The following SNRPN variants were observed in gnomAD, a reference collection of about 807,000 sequenced individuals.
SNRPN encodes the protein small nuclear ribonucleoprotein polypeptide N.
In SNRPN, 7 loss-of-function variants were observed where a neutral mutation model predicts 25.2. The observed-to-expected ratio is 0.28, with a 90% confidence interval of 0.16 to 0.52. The LOEUF (loss-of-function observed/expected upper bound fraction) is 0.52. SNRPN is among the 20% of genes least tolerant of loss of function. The pLI is 0.96. For synonymous variants in SNRPN, 124 were observed against 110.6 expected (o/e 1.12, Z -0.76); for missense variants, 196 against 322.5 (o/e 0.61, Z 3.00).
Position 24,974,202 on chromosome 15 carries a change from G to C in SNRPN, c.-143-109G>C, listed in dbSNP as rs2076799707. Reference sequence around the variant, plus strand: ...CCTTGGTGAGGAAGCTAGTATGAGAGGAAGGATGTTTTTGAACGTGTCTGT... The same window carrying C: ...CCTTGGTGAGGAAGCTAGTATGAGACGAAGGATGTTTTTGAACGTGTCTGT... On this transcript the variant is annotated intron_variant, in intron 3 of 9. Coordinates refer to ENST00000390687, the MANE Select transcript of SNRPN (RefSeq NM_003097.6). 1.3e-5 allele frequency: 7 copies of C among 525,960 alleles called. No individual in the cohort carries two copies. The South Asian group carries it at 1.6e-4, about 12-fold the overall frequency. The allele number at this position is 525,960 out of a possible 1,614,324, so 32.6% of individuals were successfully genotyped here. A position where few individuals can be genotyped will look rare whatever the true frequency, so the allele number is the denominator to read the frequency against.
intron 1 of SNRPN, among the ~76,000 whole-genome samples, chr15:24,961,607 A>C (rs548447552): frequency 1.3e-5 from 2 of 152,084 alleles, no homozygotes; most frequent in African/African-American, 2.4e-5. Flanking sequence ...CAGCTCTTCT[A>C]TTGCTTTGCA....
At position 24,945,029 on chromosome 15, in the gene SNRPN, C is replaced by T. The variant is rs983236934; in HGVS notation, c.-390-17085C>T. ...TTAATCCCATCTCAAAACATGCCATCGTGGCACCATCCAGGTTAATGTTTG... is the reference window on the plus strand; with the variant it reads ...TTAATCCCATCTCAAAACATGCCATTGTGGCACCATCCAGGTTAATGTTTG... On this transcript the variant is annotated intron_variant, in intron 3 of 11. Coordinates refer to the SNRPN transcript ENST00000400097. 3.9e-5 allele frequency among the ~76,000 whole-genome samples: 6 copies of T among 152,154 alleles called. No homozygotes were observed. The East Asian group carries it at 7.7e-4, about 20-fold the overall frequency.
At chr15:24,838,065 C>T (rs1401200862) in intron 2 of SNRPN, among the ~76,000 whole-genome samples, 8 of 147,008 alleles carry the variant, frequency 5.4e-5, no homozygotes, top group Admixed American at 3.5e-4. Context: ...GACGGAGTCT[C>T]GCTCTGTCGC....
intron 6 of SNRPN, 95 bp from the exon 7 acceptor site, chr15:24,976,782 A>G (rs2077111646): frequency 8.9e-7 from 1 of 1,120,100 alleles, no homozygotes; most frequent in African/African-American, 1.6e-5. Flanking sequence ...GATAGGTGTC[A>G]TGGGAAAATG....
At chr15:24,977,695 G>C in intron 7 of SNRPN, 83 bp from the exon 8 acceptor site, 1 of 1,300,226 alleles carries the variant, frequency 7.7e-7, no homozygotes, top group Non-Finnish European at 1.0e-6. Flanking sequence ...GTAACTAATT[G>C]GTCATTTTTC....
Position 24,974,373 on chromosome 15 carries a change from A to G in SNRPN, c.-81A>G. 7.5e-7 allele frequency: 1 copy of G among 1,337,866 alleles called. No homozygotes were observed. Among genetic ancestry groups the G allele is most frequent in the Non-Finnish European group, 1.1e-6 (1 of 928,250 alleles). The allele number at this position is 1,337,866 out of a possible 1,614,324, so 82.9% of individuals were successfully genotyped here. On this transcript the variant is annotated 5_prime_UTR_variant, in exon 4 of 10. In the 5' UTR this introduces an upstream ATG that the reference lacks. Coordinates refer to ENST00000390687, the MANE Select transcript of SNRPN (RefSeq NM_003097.6). The stretch of plus-strand genomic sequence containing the variant: ...TTGTTTCTAGGAGAACCTGCGTCAT[A>G]CCTTTATCTATAGCCTTCCCCTAGG...
chr15:24,826,395 G>T (rs963371845), intron 1 of SNRPN, among the ~76,000 whole-genome samples: 3 of 152,080 alleles, frequency 2.0e-5, no homozygotes, highest in African/African-American at 7.3e-5. Flanking sequence ...GGGCTTGCAT[G>T]GCTGCCTCAC....
At chr15:24,896,288 C>T (rs1220259225) in intron 2 of SNRPN, among the ~76,000 whole-genome samples, 1 of 152,138 alleles carries the variant, frequency 6.6e-6, no homozygotes, top group African/African-American at 2.4e-5. Flanking sequence ...AATTCCCTTT[C>T]CTTGGGTGTG....
chr15:24,858,336 T>C (rs1566832615), intron 1 of SNRPN, among the ~76,000 whole-genome samples: 1 of 152,128 alleles, frequency 6.6e-6, no homozygotes, highest in Non-Finnish European at 1.5e-5. Context: ...AGAAGCAAGA[T>C]GGAGTCAGTT....
rs201138838 is a variant in SNRPN, at chr15:24,880,283, C to T, written c.-578-6233C>T. ...AAAGGGCGACAGAGTGAGACCTTGC[C>T]TCTAAAAGAGGGGGGTGGTGGTGGA... is the stretch of plus-strand genomic sequence containing the variant. On this transcript the variant is annotated intron_variant, in intron 1 of 11. Coordinates refer to the SNRPN transcript ENST00000400097. Among the ~76,000 whole-genome samples the T allele has an allele frequency of 2.2e-4, 33 of 152,144 alleles. No individual in the cohort carries two copies. In the East Asian group the frequency reaches 3.5e-3, roughly 16 times the overall value.
At chr15:24,967,167 A>ATGG (rs2075762715) in intron 2 of SNRPN, 1 of 152,328 alleles carries the variant, frequency 6.6e-6, no homozygotes, top group Admixed American at 6.5e-5. Flanking sequence ...GTGACTATAT[A>ATGG]TGGTACTGAT....
chr15:24,895,400 AACACAC>A (rs10558727), intron 2 of SNRPN, among the ~76,000 whole-genome samples: 38,325 of 147,138 alleles, frequency 0.26, 5,056 homozygotes, highest in East Asian at 0.5. Flanking sequence ...AATACACCCA[AACACAC>A]ACACACACAC....
upstream of SNRPN, among the ~76,000 whole-genome samples, chr15:24,854,022 T>G (rs1442513083): frequency 6.6e-6 from 1 of 152,230 alleles, no homozygotes; most frequent in Non-Finnish European, 1.5e-5. Context: ...TTCACTCATT[T>G]ATTTATATCA....
chr15:24,912,435 A>G (rs1595861675), intron 2 of SNRPN: 1 of 152,164 alleles, frequency 6.6e-6, no homozygotes, highest in Admixed American at 6.5e-5. Context: ...TTTAGATGAT[A>G]TTTACATGCG....
chr15:24,977,810 AGCT>A lies in SNRPN; in HGVS notation c.461_463del (p.Ala154del), dbSNP rs761391559. The A allele has an allele frequency of 2.5e-6, 4 of 1,613,394 alleles. No individual in the cohort carries two copies. ...CTCCACAGGGAAGAGGCACTGTAGC[AGCT>A]GCTGCTGTTGCTGCGACTGCCAGTA... On this transcript the variant is annotated inframe_deletion, in exon 8 of 10. Transcript: ENST00000390687.
At chr15:24,876,797 A>G (rs1475636434) in intron 1 of SNRPN, among the ~76,000 whole-genome samples, 6 of 152,192 alleles carry the variant, frequency 3.9e-5, no homozygotes, top group Admixed American at 1.3e-4. Context: ...GAACTAATAA[A>G]TAACAAAGGA....
chr15:24,885,127 T>C (rs913416068), intron 1 of SNRPN, among the ~76,000 whole-genome samples: 3 of 152,224 alleles, frequency 2.0e-5, no homozygotes, highest in Admixed American at 2.0e-4. Flanking sequence ...ATCAAAGCCA[T>C]AACTGTAAGT....
At chr15:24,959,281 A>G (rs1402224501) in intron 1 of SNRPN, among the ~76,000 whole-genome samples, 2 of 152,148 alleles carry the variant, frequency 1.3e-5, no homozygotes, top group Admixed American at 6.5e-5. Context: ...AACATTCAAT[A>G]AAGTAGTGTT....
intron 2 of SNRPN, among the ~76,000 whole-genome samples, chr15:24,835,008 AT>A (rs1289635362): frequency 3.7e-4 from 26 of 69,424 alleles, no homozygotes; most frequent in African/African-American, 1.1e-3. Flanking sequence ...TAGTATATAT[AT>A]CTATATATAA....
Sources: allele counts gnomAD v4.1 joint callset (sites outside exome capture counted in the v4.1 genomes callset), GRCh38; gene constraint gnomAD v4.1.1; transcripts MANE v1.5; gene names NCBI Gene and HGNC (gene_info 2026-07-23, HGNC 2026-07-21).